CDH13: variants seen among roughly 807,000 people sequenced by gnomAD.
CDH13 encodes cadherin-13.
CDH13 carries 24 observed loss-of-function variants against 63.8 expected under a neutral mutation model. That is an observed-to-expected ratio of 0.38 (90% CI 0.27 to 0.53). The LOEUF (loss-of-function observed/expected upper bound fraction) is 0.53. Ranked by LOEUF, CDH13 falls within the 20% of genes least tolerant of loss-of-function variation. The pLI is 0.85. For missense variants in CDH13, 1,049 were observed against 903.1 expected (o/e 1.16, Z -2.07); for synonymous variants, 503 against 355.3 (o/e 1.42, Z -4.67).
chr16:82,749,436 G>A (rs573165047), intron 1 of CDH13, among the ~76,000 whole-genome samples: 1 of 152,166 alleles, frequency 6.6e-6, no homozygotes, highest in Non-Finnish European at 1.5e-5. Context: ...TGACAGGAGT[G>A]GGGCAGGAAA....
At chr16:83,695,263 G>C (rs1905263874) in intron 10 of CDH13, among the ~76,000 whole-genome samples, 1 of 152,180 alleles carries the variant, frequency 6.6e-6, no homozygotes, top group Non-Finnish European at 1.5e-5. Flanking sequence ...TTTAAGTAAA[G>C]CAGGATCATT....
chr16:83,508,246 TCTC>T (rs2074469525), intron 7 of CDH13: 1 of 154,132 alleles, frequency 6.5e-6, no homozygotes, highest in Admixed American at 6.5e-5. Flanking sequence ...GCAGTTTACT[TCTC>T]CTGTCCCCGG....
chr16:82,779,566 G>A (rs1473724099), intron 1 of CDH13, among the ~76,000 whole-genome samples: 1 of 152,184 alleles, frequency 6.6e-6, no homozygotes, highest in East Asian at 1.9e-4. Flanking sequence ...AGCGGGAGAA[G>A]GCAAAGGAGA....
At chr16:83,213,906 C>G (rs1157051096) in intron 4 of CDH13, among the ~76,000 whole-genome samples, 1 of 152,080 alleles carries the variant, frequency 6.6e-6, no homozygotes, top group African/African-American at 2.4e-5. Context: ...ATGCACCAAT[C>G]AGTGCTCTGT....
intron 2 of CDH13, among the ~76,000 whole-genome samples, chr16:82,934,539 T>A (rs2042604841): frequency 6.6e-6 from 1 of 152,238 alleles, no homozygotes. Context: ...TTGTTACTTA[T>A]GCAAATTTCT....
chr16:83,089,877 C>G lies in CDH13; in HGVS notation c.367-35508C>G, dbSNP rs186669106. Among the ~76,000 whole-genome samples, 129 of 152,224 alleles carry G rather than the reference C, an allele frequency of 8.5e-4. 1 individual carries two copies. Among genetic ancestry groups the G allele is most frequent in the African/African-American group, 2.8e-3 (115 of 41,546 alleles). ...AAAAATGTAGTTTCTGATTTCAAGT[C>G]TCTGGGATAGGGCCTAGGACTCAGC... is the stretch of plus-strand genomic sequence containing the variant. On this transcript the variant is annotated intron_variant, in intron 3 of 13. Transcript: ENST00000567109.
chr16:82,964,484 A>G (rs1485802173), intron 2 of CDH13, among the ~76,000 whole-genome samples: 1 of 152,196 alleles, frequency 6.6e-6, no homozygotes, highest in African/African-American at 2.4e-5. Context: ...AAGAGGAGAT[A>G]ATTGTCCACA....
chr16:82,759,016 C>G (rs555063527), intron 1 of CDH13, among the ~76,000 whole-genome samples: 9 of 152,154 alleles, frequency 5.9e-5, no homozygotes, highest in Non-Finnish European at 1.3e-4. Flanking sequence ...TCCTTCTTCA[C>G]TTTCTAAGGG....
chr16:82,796,732 A>G (rs772987753), intron 1 of CDH13, among the ~76,000 whole-genome samples: 1 of 152,260 alleles, frequency 6.6e-6, no homozygotes, highest in Non-Finnish European at 1.5e-5. Context: ...CTTTGCTGTG[A>G]CAAATAATGA....
chr16:83,233,310 G>T (rs778710568), intron 5 of CDH13, among the ~76,000 whole-genome samples: 1 of 152,152 alleles, frequency 6.6e-6, no homozygotes. Flanking sequence ...TGACGACCAC[G>T]ACAATGTTGA....
chr16:83,506,276 C>G (rs568173513), intron 7 of CDH13, among the ~76,000 whole-genome samples: 255 of 152,282 alleles, frequency 1.7e-3, no homozygotes, highest in Middle Eastern at 0.014. Context: ...AGCCACTGAT[C>G]TCTCTGGGGG....
chr16:83,684,342 C>G (rs924928292), intron 10 of CDH13, among the ~76,000 whole-genome samples: 1 of 151,898 alleles, frequency 6.6e-6, no homozygotes, highest in Admixed American at 6.6e-5. Context: ...TGCAACTGCA[C>G]TCCAGTGTGA....
intron 4 of CDH13, among the ~76,000 whole-genome samples, chr16:83,183,964 C>G (rs915233936): frequency 4.1e-4 from 62 of 152,164 alleles, no homozygotes; most frequent in African/African-American, 1.5e-3. Context: ...CAAGAAGTCT[C>G]TAAGGCACCC....
At chr16:83,085,084 T>G (rs902094524) in intron 3 of CDH13, among the ~76,000 whole-genome samples, 2 of 152,192 alleles carry the variant, frequency 1.3e-5, no homozygotes, top group Non-Finnish European at 2.9e-5. Context: ...TCTGTTTTCA[T>G]GCTGTTGATA....
intron 7 of CDH13, among the ~76,000 whole-genome samples, chr16:83,504,319 C>G (rs2074349135): frequency 6.6e-6 from 1 of 152,134 alleles, no homozygotes; most frequent in Admixed American, 6.5e-5. Context: ...GACAGAGGTT[C>G]CAACCTCACC....
intron 1 of CDH13, among the ~76,000 whole-genome samples, chr16:82,648,106 G>C (rs1253543389): frequency 6.6e-6 from 1 of 152,168 alleles, no homozygotes; most frequent in African/African-American, 2.4e-5. Context: ...CAGCCATGTG[G>C]AACTGTGTGT....
intron 2 of CDH13, among the ~76,000 whole-genome samples, chr16:82,936,921 C>A (rs2042686646): frequency 6.6e-6 from 1 of 152,072 alleles, no homozygotes; most frequent in South Asian, 2.1e-4. Flanking sequence ...TATGGTAGTG[C>A]CAAGAGTGGA....
rs543522326 is a variant in CDH13 at position 83,592,092 on chromosome 16, A to AC, written c.961-10358dup. On this transcript the variant is annotated intron_variant, in intron 7 of 13. Transcript: ENST00000567109. ...TGTAATTCCACAGAACTCTGTGCTT[A>AC]CCCCATCTCATTGTGCTGAGCTCAT... Among the ~76,000 whole-genome samples, 4 of 152,086 alleles carry AC rather than the reference A, an allele frequency of 2.6e-5. No individual in the cohort carries two copies. In the South Asian group the frequency reaches 6.2e-4, roughly 24 times the overall value.
At chr16:83,683,705 C>G (rs919285962) in intron 10 of CDH13, among the ~76,000 whole-genome samples, 1 of 152,168 alleles carries the variant, frequency 6.6e-6, no homozygotes, top group Non-Finnish European at 1.5e-5. Context: ...TTGTTTAATG[C>G]ATCATTAATA....
Sources: allele counts gnomAD v4.1 joint callset (sites outside exome capture counted in the v4.1 genomes callset), GRCh38; gene constraint gnomAD v4.1.1; transcripts MANE v1.5; gene names NCBI Gene and HGNC (gene_info 2026-07-23, HGNC 2026-07-21).